Variants in ATXN1 observed in about 807,000 individuals in gnomAD.
ATXN1 encodes ataxin 1.
A neutral mutation model predicts 56.4 loss-of-function variants in ATXN1; 8 were observed. That is an observed-to-expected ratio of 0.14 (90% CI 0.08 to 0.26). The LOEUF (loss-of-function observed/expected upper bound fraction) is 0.26, where lower values mean the gene tolerates loss of function less well. ATXN1 is among the 10% of genes least tolerant of loss of function. The pLI is 1.00. For synonymous variants in ATXN1, 514 were observed against 494.6 expected (o/e 1.04, Z -0.52); for missense variants, 987 against 1,106.5 (o/e 0.89, Z 1.53).
chr6:16,690,350 C>T (rs987780390), intron 2 of ATXN1, among the ~76,000 whole-genome samples: 1 of 151,624 alleles, frequency 6.6e-6, no homozygotes, highest in Non-Finnish European at 1.5e-5. Flanking sequence ...TCTACTTGGC[C>T]CAGTGCTGTT....
At chr6:16,464,358 C>T (rs1001573154) in intron 6 of ATXN1, among the ~76,000 whole-genome samples, 1 of 152,118 alleles carries the variant, frequency 6.6e-6, no homozygotes, top group Non-Finnish European at 1.5e-5. Context: ...AAAAAAAGGG[C>T]ACTCTGACAG....
At chr6:16,552,665 C>T in intron 4 of ATXN1, among the ~76,000 whole-genome samples, 1 of 152,264 alleles carries the variant, frequency 6.6e-6, no homozygotes. Flanking sequence ...CATCTGCCCA[C>T]ATCCAGCATC....
At chr6:16,400,376 G>A (rs1017777822) in intron 6 of ATXN1, among the ~76,000 whole-genome samples, 7 of 151,982 alleles carry the variant, frequency 4.6e-5, no homozygotes, top group Non-Finnish European at 7.3e-5. Context: ...TCAGGGCTCC[G>A]TGGCTACTTC....
chr6:16,326,652 G>T lies in ATXN1; in HGVS notation c.1659C>A (p.His553Gln). 1 of 1,613,684 alleles carries T rather than the reference G, an allele frequency of 6.2e-7. No individual in the cohort carries two copies. Among genetic ancestry groups the T allele is most frequent in the Non-Finnish European group, 8.5e-7 (1 of 1,180,036 alleles). The change falls in exon 7 of 8, where the codon CAC (histidine) becomes CAA (glutamine). Residue 553 changes from histidine to glutamine, a missense_variant. This residue lies in a region of ATXN1 where 723 missense variants were observed against 791.7 expected (regional missense o/e 0.91). Coordinates refer to ENST00000436367, the MANE Select transcript of ATXN1 (RefSeq NM_001128164.2). The surrounding 1 kb of genome is among the most constrained non-coding windows in gnomAD (Gnocchi z 6.6). ...AGGCCACGGACTGCACCACAGGCAG[G>T]TGGATCTGGGCCTGCACCATGGCTG... is the stretch of plus-strand genomic sequence containing the variant. ...AYPAMVQAQI[H>Q]LPVVQSVASP...
At chr6:16,346,050 T>C (rs1392849581) in intron 6 of ATXN1, among the ~76,000 whole-genome samples, 1 of 152,186 alleles carries the variant, frequency 6.6e-6, no homozygotes, top group Non-Finnish European at 1.5e-5. Flanking sequence ...AGGGCGGTTC[T>C]ATATTCTTTT....
chr6:16,579,382 T>C (rs1189639033), intron 4 of ATXN1, among the ~76,000 whole-genome samples: 1 of 149,810 alleles, frequency 6.7e-6, no homozygotes, highest in Non-Finnish European at 1.5e-5. Flanking sequence ...TGCAAAATGA[T>C]GGTAATTTTT....
intron 4 of ATXN1, among the ~76,000 whole-genome samples, chr6:16,550,519 G>A (rs1395586822): frequency 6.6e-6 from 1 of 152,212 alleles, no homozygotes; most frequent in Non-Finnish European, 1.5e-5. Flanking sequence ...GGTTACTGTT[G>A]ACTATGCTCT....
At chr6:16,489,819 A>G (rs562763128) in intron 5 of ATXN1, among the ~76,000 whole-genome samples, 1 of 152,300 alleles carries the variant, frequency 6.6e-6, no homozygotes, top group African/African-American at 2.4e-5. Context: ...CTCCGACTCA[A>G]AAAAAGGAAA....
chr6:16,517,649 A>G (rs1034117036), intron 5 of ATXN1, among the ~76,000 whole-genome samples: 4 of 152,198 alleles, frequency 2.6e-5, no homozygotes, highest in African/African-American at 9.7e-5. Flanking sequence ...AAATAAGTGA[A>G]GTATTACAGA....
intron 6 of ATXN1, chr6:16,485,509 A>G (rs966015456): frequency 7.2e-5 from 11 of 152,204 alleles, no homozygotes; most frequent in African/African-American, 2.7e-4. Flanking sequence ...AGCCAGAGAG[A>G]AAAATGTCAT....
intron 6 of ATXN1, among the ~76,000 whole-genome samples, chr6:16,483,129 C>A (rs1394442886): frequency 2.0e-5 from 3 of 152,028 alleles, no homozygotes; most frequent in Admixed American, 2.0e-4. Context: ...GTACAAGATC[C>A]CCCCTCCCCC....
At chr6:16,450,366 T>C (rs192495788) in intron 6 of ATXN1, among the ~76,000 whole-genome samples, 1 of 152,348 alleles carries the variant, frequency 6.6e-6, no homozygotes, top group African/African-American at 2.4e-5. Flanking sequence ...ATGCAACATG[T>C]GTTTACACAC....
intron 6 of ATXN1, among the ~76,000 whole-genome samples, chr6:16,466,709 A>C (rs577228191): frequency 6.6e-6 from 1 of 152,326 alleles, no homozygotes; most frequent in Middle Eastern, 3.4e-3. Context: ...ATATATATAT[A>C]TCCATAGAAA....
chr6:16,508,131 G>A (rs965226976), intron 5 of ATXN1, among the ~76,000 whole-genome samples: 10 of 152,026 alleles, frequency 6.6e-5, no homozygotes, highest in South Asian at 2.1e-4. Context: ...GGGCACTTGC[G>A]GCTTAGGATG....
At chr6:16,390,480 G>A (rs1758330124) in intron 6 of ATXN1, among the ~76,000 whole-genome samples, 1 of 151,992 alleles carries the variant, frequency 6.6e-6, no homozygotes, top group African/African-American at 2.4e-5. Flanking sequence ...ATGAACAGTG[G>A]CCTTCTCTCT....
chr6:16,503,207 T>G (rs1476057163), intron 5 of ATXN1, among the ~76,000 whole-genome samples: 2 of 152,192 alleles, frequency 1.3e-5, no homozygotes, highest in Admixed American at 1.3e-4. Context: ...CACCACCAAG[T>G]ACTTCTGAAG....
rs995048410 is a variant in ATXN1 at position 16,657,775 on chromosome 6, C to T, written c.-489+1G>A. The T allele has an allele frequency of 6.6e-5, 10 of 152,162 alleles. No individual in the cohort carries two copies. Among genetic ancestry groups the T allele is most frequent in the African/African-American group, 2.4e-4 (10 of 41,440 alleles). 9.4% of individuals were successfully genotyped at this position (152,162 alleles called of 1,614,324 possible). A position where few individuals can be genotyped will look rare whatever the true frequency, so the allele number is the denominator to read the frequency against. On this transcript the variant is annotated splice_donor_variant, in intron 3 of 7. Coordinates refer to ENST00000436367, the MANE Select transcript of ATXN1 (RefSeq NM_001128164.2). LOFTEE classifies it low-confidence loss of function (5UTR_SPLICE). The stretch of plus-strand genomic sequence containing the variant: ...GATGTCAAGTCTTTTGGATGACTTA[C>T]CAAAAACCATTTGTGTTTCAAGACC...
intron 6 of ATXN1, among the ~76,000 whole-genome samples, chr6:16,450,326 G>T (rs2113611421): frequency 6.6e-6 from 1 of 152,282 alleles, no homozygotes; most frequent in Non-Finnish European, 1.5e-5. Flanking sequence ...ATGTTTGGGA[G>T]CAAGTAGGCA....
chr6:16,461,521 T>C (rs1759995433), intron 6 of ATXN1, among the ~76,000 whole-genome samples: 1 of 152,170 alleles, frequency 6.6e-6, no homozygotes, highest in Non-Finnish European at 1.5e-5. Context: ...TAGGTCACTA[T>C]CCTGGAGAGG....
Sources: allele counts gnomAD v4.1 joint callset (sites outside exome capture counted in the v4.1 genomes callset), GRCh38; gene constraint gnomAD v4.1.1; regional missense constraint gnomAD v4.1.1; non-coding constraint Gnocchi (gnomAD v3.1); transcripts MANE v1.5; gene names NCBI Gene and HGNC (gene_info 2026-07-23, HGNC 2026-07-21).